Variants in PCDH15 observed in about 807,000 individuals in gnomAD.
PCDH15 encodes the protein protocadherin-15.
In PCDH15, 129 loss-of-function variants were observed where a neutral mutation model predicts 178.5. The observed-to-expected ratio is 0.72, with a 90% confidence interval of 0.63 to 0.84. PCDH15 has a LOEUF of 0.84. Among genes scored for constraint, PCDH15 ranks in the 40% least tolerant of loss-of-function variants. The probability of loss-of-function intolerance (pLI) is 0.00; values close to 1 mark genes in which losing one functional copy is unlikely to be tolerated. For missense variants in PCDH15, 2,230 were observed against 2,099.9 expected (o/e 1.06, Z -1.21); for synonymous variants, 800 against 732.0 (o/e 1.09, Z -1.50).
At chr10:54,551,529 T>C (rs1385419822) in intron 2 of PCDH15, among the ~76,000 whole-genome samples, 4 of 152,070 alleles carry the variant, frequency 2.6e-5, no homozygotes, top group Non-Finnish European at 5.9e-5. Context: ...ATTATAAAAA[T>C]AGCTACACAG....
At chr10:54,764,511 A>T (rs757178712) in intron 1 of PCDH15, among the ~76,000 whole-genome samples, 4 of 152,116 alleles carry the variant, frequency 2.6e-5, no homozygotes, top group Non-Finnish European at 5.9e-5. Flanking sequence ...ATGTATTACC[A>T]AATTTTTATT....
rs1466623489 is a variant in PCDH15, at chr10:55,098,462, T to C, written c.-80+68114A>G. Among the ~76,000 whole-genome samples, 2 of 152,300 alleles carry C rather than the reference T, an allele frequency of 1.3e-5. 1 individual carries two copies. The highest frequency in any genetic ancestry group is 4.1e-4 in the South Asian group (2 of 4,832). On this transcript the variant is annotated intron_variant, in intron 2 of 5. Coordinates refer to the PCDH15 transcript ENST00000458638. ...AAAAGAGTAGCCTGTGAAATCCAGC[T>C]GCACACATAGACAAGCAAGCTGGAA...
intron 2 of PCDH15, among the ~76,000 whole-genome samples, chr10:55,090,035 G>A (rs998331331): frequency 6.6e-6 from 1 of 151,956 alleles, no homozygotes; most frequent in Non-Finnish European, 1.5e-5. Context: ...TGCATTTAAT[G>A]AGTAGTTAAA....
chr10:54,694,343 A>G (rs1484701509), intron 1 of PCDH15, among the ~76,000 whole-genome samples: 2 of 152,186 alleles, frequency 1.3e-5, no homozygotes, highest in African/African-American at 4.8e-5. Flanking sequence ...TCGAGAGACA[A>G]TGAGACAAAT....
intron 13 of PCDH15, among the ~76,000 whole-genome samples, chr10:54,177,282 G>C (rs2047528952): frequency 2.0e-5 from 3 of 152,246 alleles, no homozygotes; most frequent in South Asian, 4.1e-4. Context: ...AAGCAAGCAA[G>C]GGGGAGGGAA....
intron 3 of PCDH15, among the ~76,000 whole-genome samples, chr10:54,492,626 T>A (rs2079704923): frequency 1.3e-5 from 2 of 152,166 alleles, no homozygotes; most frequent in African/African-American, 4.8e-5. Flanking sequence ...CTGAGTAGCA[T>A]GATAAAATCT....
chr10:54,419,496 T>C (rs1251970100), intron 3 of PCDH15, among the ~76,000 whole-genome samples: 1 of 152,100 alleles, frequency 6.6e-6, no homozygotes, highest in Non-Finnish European at 1.5e-5. Flanking sequence ...ATTGCTTTAA[T>C]TTGTCAAACT....
chr10:55,334,398 C>T (rs377589235), intron 2 of PCDH15, among the ~76,000 whole-genome samples: 1 of 149,986 alleles, frequency 6.7e-6, no homozygotes, highest in South Asian at 2.1e-4. Flanking sequence ...ACCTCTGTCT[C>T]CCGGGTTCAA....
rs61858298 is a variant in PCDH15 at position 53,848,024 on chromosome 10, G to A, written c.3807-7528C>T. On this transcript the variant is annotated intron_variant, in intron 28 of 37. Coordinates refer to ENST00000644397, the MANE Select transcript of PCDH15 (RefSeq NM_001384140.1). ...AATTCTCTTGCATAAACATTTTGTG[G>A]AGTTTATGTCTCACATTAAAAAACA... 2.6e-3 allele frequency among the ~76,000 whole-genome samples: 390 copies of A among 152,046 alleles called. 2 individuals are homozygous for A. Among genetic ancestry groups the A allele is most frequent in the Non-Finnish European group, 4.5e-3 (303 of 67,910 alleles).
At chr10:55,498,895 T>G (rs960985731) in intron 2 of PCDH15, among the ~76,000 whole-genome samples, 2 of 151,794 alleles carry the variant, frequency 1.3e-5, no homozygotes, top group Non-Finnish European at 2.9e-5. Flanking sequence ...ACAAATACCA[T>G]CCTGTTGACT....
At chr10:54,407,884 C>T (rs1042866160) in intron 3 of PCDH15, among the ~76,000 whole-genome samples, 21 of 151,684 alleles carry the variant, frequency 1.4e-4, no homozygotes, top group African/African-American at 4.6e-4. Flanking sequence ...GGCAATACCT[C>T]GTCTCTACTA....
chr10:54,278,796 T>C (rs2058498806), intron 8 of PCDH15, among the ~76,000 whole-genome samples: 1 of 151,586 alleles, frequency 6.6e-6, no homozygotes, highest in South Asian at 2.1e-4. Context: ...AATGGATTAA[T>C]TGCCATCTGC....
chr10:53,823,912 CA>C, intron 32 of PCDH15: 1 of 379,282 alleles, frequency 2.6e-6, no homozygotes, highest in Non-Finnish European at 5.5e-6. Flanking sequence ...TCTCACAGCC[CA>C]AAAATCACAA....
At chr10:55,478,250 TG>T (rs1266189955) in intron 2 of PCDH15, among the ~76,000 whole-genome samples, 1 of 151,718 alleles carries the variant, frequency 6.6e-6, no homozygotes, top group African/African-American at 2.4e-5. Flanking sequence ...TGTTCTGCAA[TG>T]GATTGATCAT....
chr10:55,236,646 T>A (rs1841392544), intron 1 of PCDH15, among the ~76,000 whole-genome samples: 1 of 152,082 alleles, frequency 6.6e-6, no homozygotes, highest in Non-Finnish European at 1.5e-5. Flanking sequence ...GCAAAATTCA[T>A]TCTGTATTTT....
intron 12 of PCDH15, among the ~76,000 whole-genome samples, chr10:54,184,305 T>C (rs927756185): frequency 6.6e-6 from 1 of 152,166 alleles, no homozygotes; most frequent in African/African-American, 2.4e-5. Flanking sequence ...AATTTCTACA[T>C]ATCTTGTTTA....
chr10:54,725,565 T>TGTATAA (rs1555170171), intron 1 of PCDH15, among the ~76,000 whole-genome samples: 14,966 of 135,810 alleles, frequency 0.11, 1,108 homozygotes, highest in Admixed American at 0.14. Flanking sequence ...TATATATATA[T>TGTATAA]AATTGGAAAC....
chr10:54,416,051 C>T (rs994876183), intron 3 of PCDH15, among the ~76,000 whole-genome samples: 4 of 152,016 alleles, frequency 2.6e-5, no homozygotes, highest in Non-Finnish European at 5.9e-5. Context: ...ACAGCATTGA[C>T]CTCCCTGGCG....
chr10:54,997,311 AG>A (rs1380969188), intron 2 of PCDH15, among the ~76,000 whole-genome samples: 1 of 152,180 alleles, frequency 6.6e-6, no homozygotes, highest in East Asian at 1.9e-4. Context: ...ATACATGTTT[AG>A]ATGTGTTTAT....
Sources: allele counts gnomAD v4.1 joint callset (sites outside exome capture counted in the v4.1 genomes callset), GRCh38; gene constraint gnomAD v4.1.1; transcripts MANE v1.5; gene names NCBI Gene and HGNC (gene_info 2026-07-23, HGNC 2026-07-21).